Variants in KPNA4 observed in about 807,000 individuals in gnomAD.
The protein encoded by KPNA4 is karyopherin subunit alpha 4.
Under a neutral mutation model 71.3 loss-of-function variants are expected in KPNA4, and 13 were observed. The ratio of observed to expected loss-of-function variants is 0.18; its 90% CI spans 0.12 to 0.29. The LOEUF is 0.29. KPNA4 is among the 10% of genes least tolerant of loss of function. The probability of loss-of-function intolerance (pLI) is 1.00; values close to 1 mark genes in which losing one functional copy is unlikely to be tolerated. For missense variants in KPNA4, 334 were observed against 603.2 expected, an observed-to-expected ratio of 0.55 and a Z score of 4.67; for synonymous variants, 189 against 195.2, an observed-to-expected ratio of 0.97 and a Z score of 0.26.
chr3:160,513,699 T>A (rs1721147223), intron 13 of KPNA4, among the ~76,000 whole-genome samples: 1 of 152,256 alleles, frequency 6.6e-6, no homozygotes, highest in African/African-American at 2.4e-5. Context: ...TTTCTTCATC[T>A]ATCAAGTGGG....
intron 1 of KPNA4, among the ~76,000 whole-genome samples, chr3:160,538,548 A>G (rs1721734948): frequency 6.6e-6 from 1 of 152,192 alleles, no homozygotes. Flanking sequence ...CCAAGGAATC[A>G]GTAAAAAATA....
intron 8 of KPNA4, among the ~76,000 whole-genome samples, chr3:160,526,803 G>A (rs1381465622): frequency 6.6e-6 from 1 of 152,150 alleles, no homozygotes; most frequent in African/African-American, 2.4e-5. Flanking sequence ...GAGATAAAAT[G>A]TTTGTTCTTT....
Position 160,502,014 on chromosome 3 carries a change from A to T in KPNA4, c.*90T>A. ...CAAGCTTGATGGATCAAACCTTTTT[A>T]TATATATGTATATATATATATATAT... is the stretch of plus-strand genomic sequence containing the variant. On this transcript the variant is annotated 3_prime_UTR_variant, in exon 17 of 17. Transcript: ENST00000334256. The T allele has an allele frequency of 2.8e-6, 1 of 359,612 alleles. No homozygotes were observed. The highest frequency in any genetic ancestry group is 1.0e-4 in the South Asian group (1 of 9,784). 22.3% of individuals were successfully genotyped at this position (359,612 alleles called of 1,614,324 possible).
intron 1 of KPNA4, among the ~76,000 whole-genome samples, chr3:160,546,757 C>T (rs1721918687): frequency 6.6e-6 from 1 of 151,656 alleles, no homozygotes; most frequent in Non-Finnish European, 1.5e-5. Flanking sequence ...TACCATTATT[C>T]CCATCCCTGC....
intron 7 of KPNA4, among the ~76,000 whole-genome samples, chr3:160,529,760 T>A (rs973277114): frequency 1.3e-5 from 2 of 151,706 alleles, no homozygotes; most frequent in Non-Finnish European, 2.9e-5. Flanking sequence ...AAAAAAGCAA[T>A]CCTATTATAA....
chr3:160,532,596 T>G (rs1721595598), intron 5 of KPNA4, among the ~76,000 whole-genome samples: 1 of 152,226 alleles, frequency 6.6e-6, no homozygotes. Context: ...TGTGGGAGAC[T>G]ACAGGTTTAG....
At chr3:160,538,186 T>C (rs563797810) in intron 1 of KPNA4, among the ~76,000 whole-genome samples, 1 of 150,938 alleles carries the variant, frequency 6.6e-6, no homozygotes, top group Non-Finnish European at 1.5e-5. Context: ...TACATATATA[T>C]ACATATTTAG....
At chr3:160,533,403 T>G (rs1441098518) in intron 5 of KPNA4, among the ~76,000 whole-genome samples, 1 of 151,000 alleles carries the variant, frequency 6.6e-6, no homozygotes, top group Non-Finnish European at 1.5e-5. Flanking sequence ...TACCACATGC[T>G]ATTTCCTCAA....
At chr3:160,544,678 A>C (rs1721870245) in intron 1 of KPNA4, among the ~76,000 whole-genome samples, 2 of 152,238 alleles carry the variant, frequency 1.3e-5, no homozygotes, top group Admixed American at 1.3e-4. Flanking sequence ...TTACCGAAGA[A>C]GAGTAAGAGA....
At chr3:160,548,001 A>G (rs1721957347) in intron 1 of KPNA4, among the ~76,000 whole-genome samples, 1 of 152,180 alleles carries the variant, frequency 6.6e-6, no homozygotes, top group African/African-American at 2.4e-5. Context: ...GCAATTATGA[A>G]TAAAGCTGCT....
At chr3:160,542,357 T>C (rs938315937) in intron 1 of KPNA4, among the ~76,000 whole-genome samples, 2 of 152,224 alleles carry the variant, frequency 1.3e-5, no homozygotes, top group African/African-American at 4.8e-5. Flanking sequence ...CTATTTCTTA[T>C]TTCTCTCTCT....
chr3:160,502,867 T>C (rs1380669325), intron 16 of KPNA4, among the ~76,000 whole-genome samples: 1 of 152,036 alleles, frequency 6.6e-6, no homozygotes, highest in African/African-American at 2.4e-5. Context: ...TCCCAGCACT[T>C]TGGGAGGCTG....
chr3:160,524,331 T>TTTTATTTA (rs544920775), intron 10 of KPNA4, among the ~76,000 whole-genome samples: 1 of 151,932 alleles, frequency 6.6e-6, no homozygotes, highest in East Asian at 1.9e-4. Flanking sequence ...TTGCCAATCG[T>TTTTATTTA]TTTATTTATT....
chr3:160,522,050 C>T lies in KPNA4; in HGVS notation c.772-140G>A, dbSNP rs545195730. ...TCAGTTTAATTCATTGGAATCTGAT[C>T]GCTACGGTATTAAACATCATCATCT... On this transcript the variant is annotated intron_variant, in intron 10 of 16. Transcript: ENST00000334256. 2.6e-5 allele frequency: 18 copies of T among 686,224 alleles called. No homozygotes were observed. The East Asian group carries it at 3.0e-4, about 12-fold the overall frequency. 42.5% of individuals were successfully genotyped at this position (686,224 alleles called of 1,614,324 possible). A position where few individuals can be genotyped will look rare whatever the true frequency, so the allele number is the denominator to read the frequency against.
chr3:160,526,146 C>T, intron 8 of KPNA4, 39 bp from the exon 9 acceptor site: 1 of 1,403,062 alleles, frequency 7.1e-7, no homozygotes, highest in Non-Finnish European at 9.4e-7. Flanking sequence ...ATAAAACATA[C>T]TGACAGTAAG....
intron 15 of KPNA4, among the ~76,000 whole-genome samples, chr3:160,506,762 T>C (rs1189188693): frequency 1.3e-5 from 2 of 152,268 alleles, no homozygotes; most frequent in Non-Finnish European, 2.9e-5. Context: ...TGTTATTTTT[T>C]GTTACTTAAT....
rs55960935 is a variant in KPNA4 at position 160,531,443 on chromosome 3, A to T, written c.383+19T>A. The T allele has an allele frequency of 0.044, 56,754 of 1,296,420 alleles. 1,682 individuals carry two copies. The highest frequency in any genetic ancestry group is 0.068 in the Middle Eastern group (246 of 3,634). 80.3% of individuals were successfully genotyped at this position (1,296,420 alleles called of 1,614,324 possible). A position where few individuals can be genotyped will look rare whatever the true frequency, so the allele number is the denominator to read the frequency against. ...GATACATTCTAAATTAAAAAAAAAA[A>T]AATAAATAATGTACTCACTTGTCAT... is the stretch of plus-strand genomic sequence containing the variant. On this transcript the variant is annotated intron_variant, in intron 6 of 16. Transcript: ENST00000334256.
chr3:160,556,746 G>C (rs1023200252), intron 1 of KPNA4, among the ~76,000 whole-genome samples: 2 of 152,116 alleles, frequency 1.3e-5, no homozygotes, highest in African/African-American at 4.8e-5. Context: ...AACCTGTACT[G>C]TCATTGTTTT....
intron 6 of KPNA4, 55 bp from the exon 7 acceptor site, chr3:160,530,995 T>G: frequency 8.8e-7 from 1 of 1,135,276 alleles, no homozygotes; most frequent in Non-Finnish European, 1.3e-6. Context: ...TTGGGCCAAA[T>G]ATCTAACCAT....
Sources: allele counts gnomAD v4.1 joint callset (sites outside exome capture counted in the v4.1 genomes callset), GRCh38; gene constraint gnomAD v4.1.1; transcripts MANE v1.5; gene names NCBI Gene and HGNC (gene_info 2026-07-23, HGNC 2026-07-21).